KCNIP1: variants seen among roughly 807,000 people sequenced by gnomAD.
The protein encoded by KCNIP1 is potassium voltage-gated channel interacting protein 1.
A neutral mutation model predicts 33.0 loss-of-function variants in KCNIP1; 18 were observed. That is an observed-to-expected ratio of 0.55 (90% CI 0.38 to 0.81). KCNIP1 has a LOEUF of 0.81. KCNIP1 is among the 30% of genes least tolerant of loss of function. The pLI is 0.00. For missense variants in KCNIP1, 238 were observed against 271.6 expected (o/e 0.88, Z 0.87); for synonymous variants, 93 against 98.3 (o/e 0.95, Z 0.32).
At chr5:170,384,282 A>G (rs1162459883) in intron 1 of KCNIP1, among the ~76,000 whole-genome samples, 1 of 152,222 alleles carries the variant, frequency 6.6e-6, no homozygotes, top group Non-Finnish European at 1.5e-5. Context: ...TTGCAGAGGC[A>G]GAAGAGAAAC....
At chr5:170,669,080 C>T (rs1225995996) in intron 1 of KCNIP1, among the ~76,000 whole-genome samples, 1 of 152,200 alleles carries the variant, frequency 6.6e-6, no homozygotes, top group Non-Finnish European at 1.5e-5. Context: ...CAACTGTAGG[C>T]CTGCCCCACT....
At chr5:170,541,550 T>G (rs1276362787) in intron 1 of KCNIP1, among the ~76,000 whole-genome samples, 1 of 152,200 alleles carries the variant, frequency 6.6e-6, no homozygotes, top group Non-Finnish European at 1.5e-5. Flanking sequence ...GCAAGCTCTT[T>G]TCCTGAGGCT....
At chr5:170,678,483 T>C (rs533391887) in intron 1 of KCNIP1, 1 of 152,372 alleles carries the variant, frequency 6.6e-6, no homozygotes, top group Non-Finnish European at 1.5e-5. Context: ...TCAGAATTCT[T>C]GGAAGAATGT....
intron 1 of KCNIP1, among the ~76,000 whole-genome samples, chr5:170,480,808 C>G (rs1756960740): frequency 6.6e-6 from 1 of 152,148 alleles, no homozygotes; most frequent in Admixed American, 6.5e-5. Context: ...ATTATCCTTC[C>G]ATGTTATCAG....
chr5:170,588,814 G>T (rs1462728634), intron 1 of KCNIP1, among the ~76,000 whole-genome samples: 2 of 152,076 alleles, frequency 1.3e-5, no homozygotes, highest in African/African-American at 4.8e-5. Flanking sequence ...TAGTGCAGGG[G>T]TTCAGCATCC....
chr5:170,712,537 A>G (rs982501729), intron 1 of KCNIP1, among the ~76,000 whole-genome samples: 2 of 152,202 alleles, frequency 1.3e-5, no homozygotes, highest in African/African-American at 2.4e-5. Context: ...AGTGTTTCCA[A>G]GGACCCATCC....
At chr5:170,714,344 T>C (rs1032371014) in intron 1 of KCNIP1, among the ~76,000 whole-genome samples, 3 of 152,202 alleles carry the variant, frequency 2.0e-5, no homozygotes, top group African/African-American at 7.2e-5. Flanking sequence ...GAAAGGGGCC[T>C]GGACTGGCTG....
At chr5:170,526,757 C>T (rs915105449) in intron 1 of KCNIP1, among the ~76,000 whole-genome samples, 1 of 140,080 alleles carries the variant, frequency 7.1e-6, no homozygotes, top group African/African-American at 2.8e-5. Context: ...GAATCGCGCT[C>T]TGTTGCCCAG....
intron 1 of KCNIP1, chr5:170,377,988 C>G (rs1014823722): frequency 6.6e-6 from 1 of 152,138 alleles, no homozygotes; most frequent in Non-Finnish European, 1.5e-5. Context: ...TTCAACTTTT[C>G]CAAAATGGCA....
chr5:170,428,631 G>C (rs951050898), intron 1 of KCNIP1, among the ~76,000 whole-genome samples: 1 of 152,096 alleles, frequency 6.6e-6, no homozygotes, highest in Non-Finnish European at 1.5e-5. Context: ...CAGTACTCAC[G>C]GGGTGGCTGT....
chr5:170,619,436 G>T (rs1459354066), intron 1 of KCNIP1, among the ~76,000 whole-genome samples: 1 of 152,152 alleles, frequency 6.6e-6, no homozygotes, highest in Admixed American at 6.5e-5. Context: ...AGGACACAAA[G>T]GTTTGCCAGG....
intron 1 of KCNIP1, among the ~76,000 whole-genome samples, chr5:170,526,166 T>C (rs895727281): frequency 3.9e-5 from 6 of 152,174 alleles, no homozygotes; most frequent in Admixed American, 1.3e-4. Flanking sequence ...GCCATGCTCA[T>C]GTCACCCTCC....
At chr5:170,617,858 AG>A (rs1759448728) in intron 1 of KCNIP1, among the ~76,000 whole-genome samples, 1 of 152,222 alleles carries the variant, frequency 6.6e-6, no homozygotes, top group East Asian at 1.9e-4. Flanking sequence ...AGAAAATTAA[AG>A]TGATTGCATC....
At position 170,436,667 on chromosome 5, in the gene KCNIP1, G is replaced by A. The variant is rs530545344; in HGVS notation, c.88+82703G>A. On this transcript the variant is annotated intron_variant, in intron 1 of 7. Transcript: ENST00000377360. ...TGCATGTGTACTTGTGTCTGTGCCC[G>A]TGCATGTGTGTGTTCCCCTGTTTTC... is the stretch of plus-strand genomic sequence containing the variant. Among the ~76,000 whole-genome samples, 32 of 152,338 alleles carry A rather than the reference G, an allele frequency of 2.1e-4. No individual in the cohort carries two copies. In the South Asian group the frequency reaches 5.2e-3, roughly 25 times the overall value.
At chr5:170,498,233 G>A (rs1257553558) in intron 1 of KCNIP1, among the ~76,000 whole-genome samples, 1 of 152,246 alleles carries the variant, frequency 6.6e-6, no homozygotes, top group Non-Finnish European at 1.5e-5. Flanking sequence ...CCCTGTGTCA[G>A]GCACTTTTGT....
chr5:170,359,638 G>C (rs1046108033), intron 1 of KCNIP1, among the ~76,000 whole-genome samples: 5 of 152,144 alleles, frequency 3.3e-5, no homozygotes, highest in Admixed American at 3.3e-4. Flanking sequence ...GGGCTTCTGG[G>C]TCCCTGCCTA....
intron 1 of KCNIP1, among the ~76,000 whole-genome samples, chr5:170,587,535 T>G (rs1385032021): frequency 6.6e-6 from 1 of 152,002 alleles, no homozygotes; most frequent in Non-Finnish European, 1.5e-5. Flanking sequence ...TGTAGTGCTG[T>G]GTTCCTTCCG....
chr5:170,612,141 C>T lies in KCNIP1; in HGVS notation c.62-106617C>T, dbSNP rs139510536. ...CTGCAACCAGCGAGCTCATGGCCCA[C>T]GGGGAAACCAGACAGACAGACACCC... On this transcript the variant is annotated intron_variant, in intron 1 of 7. Transcript: ENST00000328939. Among the ~76,000 whole-genome samples the T allele has an allele frequency of 5.2e-3, 792 of 152,276 alleles. 3 individuals are homozygous for T. The highest frequency in any genetic ancestry group is 0.018 in the African/African-American group (757 of 41,554).
rs532218915 is a variant in KCNIP1, at chr5:170,601,436, G to T, written c.61+96803G>T. Among the ~76,000 whole-genome samples, 9 of 152,326 alleles carry T rather than the reference G, an allele frequency of 5.9e-5. No homozygotes were observed. The South Asian group carries it at 1.9e-3, about 32-fold the overall frequency. Reference sequence around the variant, plus strand: ...CCCGGGAAACTTCAGCCTGGCTTCTGCTTTGTCCCGAAAACCCAGGGCTCC... The same window carrying T: ...CCCGGGAAACTTCAGCCTGGCTTCTTCTTTGTCCCGAAAACCCAGGGCTCC... On this transcript the variant is annotated intron_variant, in intron 1 of 7. Transcript: ENST00000328939.
Sources: gnomAD v4.1 joint callset for allele counts (sites outside exome capture counted in the v4.1 genomes callset) on GRCh38, gnomAD v4.1.1 for gene constraint, MANE v1.5 for transcripts, NCBI Gene and HGNC (gene_info 2026-07-23, HGNC 2026-07-21) for gene names.